Variants in WASHC5 observed in about 807,000 individuals in gnomAD.
WASHC5 encodes WASH complex subunit 5, also known as WASH complex subunit strumpellin.
A neutral mutation model predicts 150.4 loss-of-function variants in WASHC5; 101 were observed. That is an observed-to-expected ratio of 0.67 (90% CI 0.57 to 0.79). The LOEUF is 0.79. Ranked by LOEUF, WASHC5 falls within the 30% of genes least tolerant of loss-of-function variation. WASHC5 has a pLI of 0.00. For missense variants in WASHC5, 1,195 were observed against 1,396.3 expected, an observed-to-expected ratio of 0.86 and a Z score of 2.30; for synonymous variants, 467 against 491.2, an observed-to-expected ratio of 0.95 and a Z score of 0.65.
chr8:125,047,047 C>A (rs1339627906), intron 20 of WASHC5, among the ~76,000 whole-genome samples, 160 bp downstream of exon 20: 1 of 152,160 alleles, frequency 6.6e-6, no homozygotes, highest in Non-Finnish European at 1.5e-5. Flanking sequence ...CGGTATCAGT[C>A]TGCAGCGCAG....
At position 125,046,937 on chromosome 8, in the gene WASHC5, G is replaced by A. The variant is rs190924739; in HGVS notation, c.2504+270C>T. ...CTCCTATGAGAATCTAGCACTTTGG[G>A]AGGCCACTGATCTGACAGGAAGTGG... On this transcript the variant is annotated intron_variant, in intron 20 of 28. Transcript: ENST00000318410. Among the ~76,000 whole-genome samples, 211 of 152,264 alleles carry A rather than the reference G, an allele frequency of 1.4e-3. 2 individuals are homozygous for A. Among genetic ancestry groups the A allele is most frequent in the African/African-American group, 4.8e-3 (199 of 41,550 alleles).
chr8:125,088,848 A>G (rs1817506874), intron 1 of WASHC5, among the ~76,000 whole-genome samples: 1 of 152,136 alleles, frequency 6.6e-6, no homozygotes, highest in African/African-American at 2.4e-5. Context: ...AATGATCCTA[A>G]TAATGGCATC....
Position 125,082,399 on chromosome 8 carries a change from T to C in WASHC5, c.401A>G (p.Asp134Gly). The part of the protein sequence containing the change: ...QTLETVLLNE[D>G]GKQLLCEALY... ...ATTACTTACTAGAAGTTGTTTTCCA[T>C]CTTCATTGAGAAGCACAGTTTCTAA... The change falls in exon 4 of 29, where the codon GAT becomes GGT. Residue 134 changes from aspartate (D) to glycine (G), a missense_variant. Transcript: ENST00000318410. The C allele has an allele frequency of 6.4e-7, 1 of 1,560,230 alleles. No homozygotes were observed. The highest frequency in any genetic ancestry group is 8.8e-7 in the Non-Finnish European group (1 of 1,131,504).
At chr8:125,049,436 T>C (rs893532461) in intron 18 of WASHC5, among the ~76,000 whole-genome samples, 2 of 151,694 alleles carry the variant, frequency 1.3e-5, no homozygotes, top group African/African-American at 2.4e-5. Flanking sequence ...TGTGTACCTG[T>C]AATCCCAGCT....
intron 15 of WASHC5, 66 bp downstream of exon 15, chr8:125,057,490 A>T (rs1816443907): frequency 9.2e-7 from 1 of 1,086,296 alleles, no homozygotes; most frequent in Non-Finnish European, 1.4e-6. Flanking sequence ...GGGCCTAAGC[A>T]TACTTTTTGT....
chr8:125,044,828 C>G lies in WASHC5; in HGVS notation c.2505-130G>C, dbSNP rs981315384. 25 of 964,218 alleles carry G rather than the reference C, an allele frequency of 2.6e-5. 1 individual carries two copies. In the South Asian group the frequency reaches 3.1e-4, roughly 12 times the overall value. 59.7% of individuals were successfully genotyped at this position (964,218 alleles called of 1,614,324 possible). On this transcript the variant is annotated intron_variant, in intron 20 of 28. Transcript: ENST00000318410. ...TTACATGATCTGTGTTTTCTAACCT[C>G]TGTATTCAGGCACCCAATGCGTCTT...
intron 9 of WASHC5, 47 bp from the exon 10 acceptor site, chr8:125,067,766 A>G: frequency 1.3e-6 from 2 of 1,586,458 alleles, no homozygotes; most frequent in Non-Finnish European, 1.7e-6. Context: ...TGTAGAAAAT[A>G]TCTATGAAAT....
rs756620575 is a variant in WASHC5 at position 125,076,520 on chromosome 8, C to A, written c.712-20G>T. 10 of 1,612,970 alleles carry A rather than the reference C, an allele frequency of 6.2e-6. No homozygotes were observed. Among genetic ancestry groups the A allele is most frequent in the Middle Eastern group, 1.7e-4 (1 of 6,060 alleles). ...TGAGACCTGCAATGTCAAGACGACA[C>A]CCCGAGAAAGCTGTTGGCAACATTT... On this transcript the variant is annotated intron_variant, in intron 6 of 28. Transcript: ENST00000318410.
intron 12 of WASHC5, 137 bp downstream of exon 12, chr8:125,060,945 A>C: frequency 1.5e-6 from 1 of 664,000 alleles, no homozygotes; most frequent in Non-Finnish European, 2.8e-6. Context: ...TATACGTTAC[A>C]GGAAACATAT....
At chr8:125,077,190 T>C (rs1466842677) in intron 6 of WASHC5, among the ~76,000 whole-genome samples, 3 of 152,230 alleles carry the variant, frequency 2.0e-5, no homozygotes, top group Non-Finnish European at 2.9e-5. Context: ...GAGAAATTGT[T>C]ATAAGGGCAG....
chr8:125,033,464 C>A, intron 26 of WASHC5, among the ~76,000 whole-genome samples: 1 of 152,124 alleles, frequency 6.6e-6, no homozygotes, highest in African/African-American at 2.4e-5. Context: ...TAGAGATGAA[C>A]CACTGGCCTC....
At chr8:125,052,768 C>T (rs1816283037) in intron 17 of WASHC5, among the ~76,000 whole-genome samples, 1 of 152,124 alleles carries the variant, frequency 6.6e-6, no homozygotes, top group Admixed American at 6.5e-5. Flanking sequence ...TTTAACCATT[C>T]CCCTACTGAT....
chr8:125,051,313 T>C (rs897370781), intron 17 of WASHC5, among the ~76,000 whole-genome samples: 5 of 152,232 alleles, frequency 3.3e-5, no homozygotes, highest in Non-Finnish European at 7.3e-5. Context: ...AAACATCAAA[T>C]GATTTTTACA....
At chr8:125,076,523 C>T (rs368517829) in intron 6 of WASHC5, 23 bp from the exon 7 acceptor site, 26 of 1,612,658 alleles carry the variant, frequency 1.6e-5, no homozygotes, top group Middle Eastern at 1.7e-4. Context: ...GACGACACCC[C>T]GAGAAAGCTG....
At chr8:125,054,402 T>C (rs1586356748) in intron 17 of WASHC5, among the ~76,000 whole-genome samples, 1 of 152,300 alleles carries the variant, frequency 6.6e-6, no homozygotes, top group East Asian at 1.9e-4. Flanking sequence ...TACTTGCATA[T>C]GTAGGAACAA....
chr8:125,025,561 A>T (rs1023503459), intron 28 of WASHC5, among the ~76,000 whole-genome samples: 1 of 152,114 alleles, frequency 6.6e-6, no homozygotes, highest in Non-Finnish European at 1.5e-5. Flanking sequence ...GGTGGTACGC[A>T]TCTGTAATCA....
intron 19 of WASHC5, among the ~76,000 whole-genome samples, chr8:125,048,557 G>A (rs899425970): frequency 6.6e-6 from 1 of 152,146 alleles, no homozygotes; most frequent in Non-Finnish European, 1.5e-5. Flanking sequence ...TGGTTAGGAC[G>A]TGGAGAAACT....
At position 125,079,422 on chromosome 8, in the gene WASHC5, C is replaced by T. The variant is rs191724422; in HGVS notation, c.519-492G>A. 6.9e-3 allele frequency among the ~76,000 whole-genome samples: 1,054 copies of T among 151,904 alleles called. 8 individuals carry two copies. Among genetic ancestry groups the T allele is most frequent in the African/African-American group, 0.024 (989 of 41,416 alleles). On this transcript the variant is annotated intron_variant, in intron 5 of 28. Coordinates refer to ENST00000318410, the MANE Select transcript of WASHC5 (RefSeq NM_014846.4). ...CCCAGGCTGGTCTTAAATGTCTGAC[C>T]TCAACTGATCCACCCACCTTGTCCT...
At position 125,056,776 on chromosome 8, in the gene WASHC5, T is replaced by C; in HGVS notation, c.1917A>G (p.Leu639=). ...CGTGGGTCTGAAGCTTTATGATCTT[T>C]AGAAGAGATGTAAACATGCTTTCTG... is the stretch of plus-strand genomic sequence containing the variant. The part of the protein sequence containing the change: ...IIPESMFTSL[L]KIIKLQTHDI... The change falls in exon 16 of 29, where the codon CTA becomes CTG. Residue 639 remains leucine, a synonymous_variant. Transcript: ENST00000318410. 6.2e-7 allele frequency: 1 copy of C among 1,614,168 alleles called. No individual in the cohort carries two copies. The highest frequency in any genetic ancestry group is 1.1e-5 in the South Asian group (1 of 91,084).
Sources: allele counts gnomAD v4.1 joint callset (sites outside exome capture counted in the v4.1 genomes callset), GRCh38; gene constraint gnomAD v4.1.1; transcripts MANE v1.5; gene names NCBI Gene and HGNC (gene_info 2026-07-23, HGNC 2026-07-21).